CNBD1: variants seen among roughly 807,000 people sequenced by gnomAD.
CNBD1 encodes cyclic nucleotide binding domain containing 1, also known as cyclic nucleotide-binding domain-containing protein 1.
CNBD1 carries 71 observed loss-of-function variants against 54.4 expected under a neutral mutation model. The observed-to-expected ratio is 1.30, with a 90% confidence interval of 1.08 to 1.59. The LOEUF (loss-of-function observed/expected upper bound fraction) is 1.59. Ranked by LOEUF, CNBD1 falls within the 40% of genes most tolerant of loss-of-function variation. CNBD1 has a pLI of 0.00. For missense variants in CNBD1, 659 were observed against 518.0 expected, an observed-to-expected ratio of 1.27 and a Z score of -2.64; for synonymous variants, 182 against 170.7, an observed-to-expected ratio of 1.07 and a Z score of -0.51.
chr8:87,202,244 T>C (rs771954484), intron 4 of CNBD1, among the ~76,000 whole-genome samples: 6 of 152,218 alleles, frequency 3.9e-5, no homozygotes, highest in African/African-American at 1.2e-4. Flanking sequence ...TGGGGAGCAA[T>C]AGATAAGTCC....
intron 4 of CNBD1, among the ~76,000 whole-genome samples, chr8:86,971,180 G>T (rs565445612): frequency 5.8e-4 from 88 of 152,114 alleles, no homozygotes; most frequent in Non-Finnish European, 1.2e-3. Flanking sequence ...CCACATGGCT[G>T]GGGAGGCCTC....
chr8:86,962,027 G>C (rs548951746), intron 4 of CNBD1, among the ~76,000 whole-genome samples: 2 of 152,138 alleles, frequency 1.3e-5, no homozygotes, highest in Non-Finnish European at 2.9e-5. Context: ...CTAATAAGTA[G>C]GAATAGCTGG....
intron 8 of CNBD1, among the ~76,000 whole-genome samples, chr8:87,297,146 C>T (rs1808892206): frequency 7.1e-6 from 1 of 141,028 alleles, no homozygotes; most frequent in South Asian, 2.2e-4. Flanking sequence ...CCACTGCAGT[C>T]CAGCCTGGGT....
intron 4 of CNBD1, among the ~76,000 whole-genome samples, chr8:86,996,137 T>C (rs971022171): frequency 8.5e-5 from 13 of 152,218 alleles, no homozygotes; most frequent in Non-Finnish European, 1.6e-4. Context: ...TATTTTATTT[T>C]TTTTAATAAA....
chr8:87,170,104 T>C (rs371825300), intron 4 of CNBD1, among the ~76,000 whole-genome samples: 7 of 152,136 alleles, frequency 4.6e-5, no homozygotes, highest in African/African-American at 1.7e-4. Flanking sequence ...TTTACAGTTT[T>C]CATTGTAGAG....
chr8:87,231,614 T>C (rs1031783707), intron 5 of CNBD1, among the ~76,000 whole-genome samples: 8 of 150,040 alleles, frequency 5.3e-5, no homozygotes, highest in Non-Finnish European at 1.2e-4. Flanking sequence ...CAATATTTGC[T>C]GTCATCTTGT....
chr8:87,006,416 C>A (rs1563855527), intron 4 of CNBD1, among the ~76,000 whole-genome samples: 1 of 152,026 alleles, frequency 6.6e-6, no homozygotes, highest in Non-Finnish European at 1.5e-5. Flanking sequence ...TAAAGAAGTA[C>A]CTGAGACTGG....
chr8:87,174,078 C>A (rs963081079), intron 4 of CNBD1, among the ~76,000 whole-genome samples: 9 of 152,056 alleles, frequency 5.9e-5, no homozygotes, highest in African/African-American at 1.4e-4. Context: ...CCTGCCTCAG[C>A]CTCCCGAGTG....
chr8:86,904,202 G>A (rs539440291), intron 2 of CNBD1, among the ~76,000 whole-genome samples: 3 of 152,096 alleles, frequency 2.0e-5, no homozygotes, highest in Admixed American at 2.0e-4. Context: ...GGATTTTGTT[G>A]TTCATTGTCA....
At chr8:86,875,947 C>G (rs992923888) in intron 1 of CNBD1, among the ~76,000 whole-genome samples, 2 of 152,074 alleles carry the variant, frequency 1.3e-5, no homozygotes, top group African/African-American at 2.4e-5. Flanking sequence ...TGTTGCCGGG[C>G]ACTATACCCT....
intron 1 of CNBD1, among the ~76,000 whole-genome samples, chr8:86,872,858 C>A (rs571010654): frequency 6.6e-6 from 1 of 152,214 alleles, no homozygotes; most frequent in East Asian, 1.9e-4. Flanking sequence ...AATATAGTCT[C>A]CATTCTGTGG....
At chr8:87,020,872 T>A (rs1360106570) in intron 4 of CNBD1, among the ~76,000 whole-genome samples, 1 of 152,164 alleles carries the variant, frequency 6.6e-6, no homozygotes, top group Non-Finnish European at 1.5e-5. Context: ...TACAACCTGT[T>A]ATCTCTAAAG....
intron 8 of CNBD1, among the ~76,000 whole-genome samples, chr8:87,349,000 G>C (rs530550073): frequency 6.6e-6 from 1 of 152,260 alleles, no homozygotes; most frequent in South Asian, 2.1e-4. Context: ...TTCCGAGTCT[G>C]AGTCTTGATA....
intron 2 of CNBD1, among the ~76,000 whole-genome samples, chr8:87,416,603 C>G (rs1400232569): frequency 6.6e-6 from 1 of 151,988 alleles, no homozygotes; most frequent in African/African-American, 2.4e-5. Context: ...TCTTACATGT[C>G]TGGTCATTCT....
intron 5 of CNBD1, among the ~76,000 whole-genome samples, chr8:87,226,948 G>A (rs992398219): frequency 6.6e-6 from 1 of 151,662 alleles, no homozygotes; most frequent in South Asian, 2.1e-4. Context: ...TATATATTTA[G>A]GATAGTTAGC....
At chr8:87,368,264 A>T (rs1253456371) in intron 10 of CNBD1, among the ~76,000 whole-genome samples, 4 of 152,000 alleles carry the variant, frequency 2.6e-5, no homozygotes, top group African/African-American at 9.7e-5. Flanking sequence ...TCTTGATTGA[A>T]CGCTGTCAAA....
chr8:87,151,719 A>G (rs1812608300), intron 4 of CNBD1, among the ~76,000 whole-genome samples: 1 of 152,042 alleles, frequency 6.6e-6, no homozygotes, highest in East Asian at 1.9e-4. Flanking sequence ...TAATTTGCAA[A>G]TTAACTGTCT....
At chr8:86,934,500 T>G (rs1809511028) in intron 3 of CNBD1, among the ~76,000 whole-genome samples, 1 of 152,220 alleles carries the variant, frequency 6.6e-6, no homozygotes, top group Admixed American at 6.5e-5. Context: ...ATTTTAATTT[T>G]AATGCTTAGG....
At chr8:86,969,823 T>C (rs114515768) in intron 4 of CNBD1, among the ~76,000 whole-genome samples, 3,187 of 144,246 alleles carry the variant, frequency 0.022, 109 homozygotes, top group African/African-American at 0.069. Context: ...CACACACACA[T>C]ATATATAGTG....
Sources: gnomAD v4.1 joint callset for allele counts (sites outside exome capture counted in the v4.1 genomes callset) on GRCh38, gnomAD v4.1.1 for gene constraint, MANE v1.5 for transcripts, NCBI Gene and HGNC (gene_info 2026-07-23, HGNC 2026-07-21) for gene names.